DEPDC4: variants seen among roughly 807,000 people sequenced by gnomAD.
DEPDC4 encodes DEP domain containing 4.
A neutral mutation model predicts 52.0 loss-of-function variants in DEPDC4; 52 were observed. The observed-to-expected ratio is 1.00, with a 90% CI of 0.80 to 1.26. The LOEUF is 1.26. Among genes scored for constraint, DEPDC4 ranks in the 50% most tolerant of loss-of-function variants. The probability of loss-of-function intolerance (pLI) is 0.00; values close to 1 mark genes in which losing one functional copy is unlikely to be tolerated. For missense variants in DEPDC4, 530 were observed against 546.9 expected (o/e 0.97, Z 0.31); for synonymous variants, 201 against 196.8 (o/e 1.02, Z -0.18).
chr12:100,245,760 C>T lies in DEPDC4; in HGVS notation c.1453+3140G>A, dbSNP rs1436765871. Among the ~76,000 whole-genome samples, 4 of 152,280 alleles carry T rather than the reference C, an allele frequency of 2.6e-5. No individual in the cohort carries two copies. In the South Asian group the frequency reaches 6.2e-4, roughly 24 times the overall value. The stretch of plus-strand genomic sequence containing the variant: ...GTCCTCCAGGTCAATCCATTCTCTA[C>T]ACTGCTGCCAGCACTCTTTATCTAA... On this transcript the variant is annotated intron_variant, in intron 8 of 9. Transcript: ENST00000550587.
downstream of DEPDC4, among the ~76,000 whole-genome samples, chr12:100,235,821 G>C (rs149186652): frequency 2.3e-3 from 354 of 152,222 alleles, 8 homozygotes; most frequent in East Asian, 0.041. Flanking sequence ...TGATCCACCT[G>C]CCTCAGCTTC....
intron 2 of DEPDC4, among the ~76,000 whole-genome samples, chr12:100,263,061 G>A (rs1420389980): frequency 6.6e-6 from 1 of 152,102 alleles, no homozygotes; most frequent in Admixed American, 6.6e-5. Flanking sequence ...CAGCTCAAGC[G>A]ATTCTTGTGC....
At chr12:100,280,885 T>G in the DEPDC4 span, among the ~76,000 whole-genome samples, 6 of 152,148 alleles carry the variant, frequency 3.9e-5, no homozygotes, top group African/African-American at 1.2e-4. Flanking sequence ...ATCATTATGC[T>G]TATTAAAAAT....
At chr12:100,272,551 C>T in the DEPDC4 span, among the ~76,000 whole-genome samples, 1 of 152,080 alleles carries the variant, frequency 6.6e-6, no homozygotes, top group Non-Finnish European at 1.5e-5. Context: ...AAGTTTTTGG[C>T]CTGCATGTCT....
chr12:100,275,949 T>G, the DEPDC4 span, among the ~76,000 whole-genome samples: 1 of 152,254 alleles, frequency 6.6e-6, no homozygotes, highest in Non-Finnish European at 1.5e-5. Context: ...TTTTTTTCAT[T>G]ATTCAGTTAA....
At chr12:100,254,589 A>G (rs1475473261) in intron 4 of DEPDC4, among the ~76,000 whole-genome samples, 1 of 152,082 alleles carries the variant, frequency 6.6e-6, no homozygotes, top group Non-Finnish European at 1.5e-5. Flanking sequence ...GGGCTTCCAA[A>G]GTGCTGGGAT....
rs374838872 is a variant in DEPDC4, at chr12:100,234,227, A to C, written c.*699+3741T>G. 8.3e-4 allele frequency among the ~76,000 whole-genome samples: 126 copies of C among 152,382 alleles called. 1 individual carries two copies. Among genetic ancestry groups the C allele is most frequent in the African/African-American group, 2.8e-3 (118 of 41,586 alleles). On this transcript the variant is annotated intron_variant and NMD_transcript_variant, in intron 9 of 10. Transcript: ENST00000378244. ...TATTCAGGACCATCAAAATAGGTACAGGGACCACTGCTATGGGATTTTGCA... is the reference window on the plus strand; with the variant it reads ...TATTCAGGACCATCAAAATAGGTACCGGGACCACTGCTATGGGATTTTGCA...
chr12:100,266,309 G>A (rs1298279467), intron 1 of DEPDC4, among the ~76,000 whole-genome samples: 1 of 152,084 alleles, frequency 6.6e-6, no homozygotes, highest in Non-Finnish European at 1.5e-5. Flanking sequence ...GAAGTTACCC[G>A]TCTAATCACT....
chr12:100,236,851 T>C (rs928577560), downstream of DEPDC4, among the ~76,000 whole-genome samples: 1 of 152,184 alleles, frequency 6.6e-6, no homozygotes, highest in Non-Finnish European at 1.5e-5. Flanking sequence ...CTTGAGTTGA[T>C]TTTTGTATAA....
chr12:100,251,910 G>C (rs1371264121), intron 7 of DEPDC4, among the ~76,000 whole-genome samples: 5 of 152,044 alleles, frequency 3.3e-5, no homozygotes, highest in African/African-American at 2.4e-5. Flanking sequence ...ATGTTGCCCA[G>C]GCTGGTCTCA....
intron 3 of DEPDC4, chr12:100,257,585 GGCT>G (rs1212743564): frequency 0.056 from 8,447 of 152,122 alleles, 748 homozygotes; most frequent in African/African-American, 0.19. Flanking sequence ...ATGTTGGTCT[GGCT>G]GGTCTTGAAC....
chr12:100,235,041 G>A (rs2096139202), intron 9 of DEPDC4, among the ~76,000 whole-genome samples: 1 of 146,750 alleles, frequency 6.8e-6, no homozygotes, highest in South Asian at 2.2e-4. Flanking sequence ...GTTTCATTGA[G>A]TAGTAGTATG....
intron 3 of DEPDC4, among the ~76,000 whole-genome samples, chr12:100,259,077 A>ATATATATATATAT (rs1555312790): frequency 4.9e-4 from 63 of 129,430 alleles, no homozygotes; most frequent in Middle Eastern, 8.8e-3. Flanking sequence ...TCTCAAAAAA[A>ATATATATATATAT]AAAAATATAT....
At chr12:100,265,101 C>T (rs193099469) in intron 1 of DEPDC4, among the ~76,000 whole-genome samples, 1 of 148,452 alleles carries the variant, frequency 6.7e-6, no homozygotes, top group African/African-American at 2.5e-5. Context: ...GATTTCAAGA[C>T]TAGCTTGGGC....
intron 4 of DEPDC4, among the ~76,000 whole-genome samples, chr12:100,254,044 T>A (rs1381398954): frequency 6.6e-6 from 1 of 152,166 alleles, no homozygotes; most frequent in Non-Finnish European, 1.5e-5. Context: ...ATGAGTTGCG[T>A]ATGGTTCTAT....
At chr12:100,248,858 C>G in intron 8 of DEPDC4, 42 bp downstream of exon 8, 1 of 868,446 alleles carries the variant, frequency 1.2e-6, no homozygotes, top group Non-Finnish European at 1.4e-6. Flanking sequence ...TTGGCAACAA[C>G]AGTCACTTAA....
intron 9 of DEPDC4, among the ~76,000 whole-genome samples, chr12:100,233,888 T>A (rs907258710): frequency 1.3e-5 from 2 of 151,236 alleles, no homozygotes; most frequent in South Asian, 2.1e-4. Context: ...CAAAAAAAAA[T>A]TTTTTTTGGA....
intron 9 of DEPDC4, among the ~76,000 whole-genome samples, chr12:100,242,118 T>G (rs2096161837): frequency 1.3e-5 from 2 of 152,194 alleles, no homozygotes; most frequent in Admixed American, 1.3e-4. Context: ...TTAAGTGACA[T>G]GGCCAATAAG....
At chr12:100,255,102 G>A (rs887287862) in intron 4 of DEPDC4, among the ~76,000 whole-genome samples, 2 of 152,156 alleles carry the variant, frequency 1.3e-5, no homozygotes, top group African/African-American at 4.8e-5. Context: ...CTAGATCCTA[G>A]TATTGCAGAT....
Sources: allele counts gnomAD v4.1 joint callset (sites outside exome capture counted in the v4.1 genomes callset), GRCh38; gene constraint gnomAD v4.1.1; transcripts MANE v1.5; gene names NCBI Gene and HGNC (gene_info 2026-07-23, HGNC 2026-07-21).